USP28: variants seen among roughly 807,000 people sequenced by gnomAD.
The protein encoded by USP28 is ubiquitin specific peptidase 28.
Under a neutral mutation model 145.0 loss-of-function variants are expected in USP28, and 113 were observed. That is an observed-to-expected ratio of 0.78 (90% confidence interval 0.67 to 0.91). USP28 has a LOEUF of 0.91. Ranked by LOEUF, USP28 falls within the 40% of genes least tolerant of loss-of-function variation. The pLI is 0.00. For synonymous variants in USP28, 447 were observed against 450.9 expected, an observed-to-expected ratio of 0.99 and a Z score of 0.11; for missense variants, 1,201 against 1,289.6, an observed-to-expected ratio of 0.93 and a Z score of 1.05.
At chr11:113,801,527 A>C in exon 24 of USP28, 1 of 1,599,608 alleles carries the variant, frequency 6.3e-7, no homozygotes, top group East Asian at 2.2e-5. Flanking sequence ...GTTTCTCATG[A>C]CCTCAATGGC....
At chr11:113,860,915 G>A (rs1232265701) in intron 1 of USP28, among the ~76,000 whole-genome samples, 3 of 151,602 alleles carry the variant, frequency 2.0e-5, no homozygotes, top group East Asian at 1.9e-4. Flanking sequence ...TCAGGAGCCC[G>A]AGGCCATCCT....
chr11:113,873,041 C>G (rs1335394029), intron 1 of USP28, among the ~76,000 whole-genome samples: 1 of 152,182 alleles, frequency 6.6e-6, no homozygotes, highest in Admixed American at 6.6e-5. Context: ...GCAGTCTAGG[C>G]TTTAAATAGC....
intron 1 of USP28, among the ~76,000 whole-genome samples, chr11:113,858,153 A>G (rs1947270064): frequency 6.6e-6 from 1 of 152,212 alleles, no homozygotes; most frequent in African/African-American, 2.4e-5. Context: ...GGCGTGAGCC[A>G]CTGCACCTGG....
intron 1 of USP28, among the ~76,000 whole-genome samples, chr11:113,865,060 G>A (rs946319637): frequency 6.6e-6 from 1 of 152,080 alleles, no homozygotes; most frequent in Admixed American, 6.5e-5. Flanking sequence ...GGCTGGTCTT[G>A]AACTCCTGAG....
At position 113,848,515 on chromosome 11, in the gene USP28, G is replaced by A. The variant is rs937221193; in HGVS notation, c.268+3986C>T. The stretch of plus-strand genomic sequence containing the variant: ...GGAGTAGAAACCTTTCTGGGGCTTC[G>A]TGACACAGAAGCACAATGCACTGTG... On this transcript the variant is annotated intron_variant, in intron 3 of 24. Transcript: ENST00000003302. 6.6e-5 allele frequency among the ~76,000 whole-genome samples: 10 copies of A among 152,290 alleles called. No homozygotes were observed. In the East Asian group the frequency reaches 1.7e-3, roughly 26 times the overall value.
intron 16 of USP28, among the ~76,000 whole-genome samples, chr11:113,810,738 G>A (rs1242019948): frequency 2.0e-5 from 3 of 152,162 alleles, no homozygotes; most frequent in African/African-American, 4.8e-5. Flanking sequence ...GCAGTGGCAC[G>A]ATCTCAGCTC....
At chr11:113,856,138 T>G (rs1368446320) in intron 1 of USP28, among the ~76,000 whole-genome samples, 1 of 152,228 alleles carries the variant, frequency 6.6e-6, no homozygotes, top group African/African-American at 2.4e-5. Flanking sequence ...AAGCATGTAA[T>G]TTTTAGAAAA....
chr11:113,801,515 T>C, exon 24 of USP28: 2 of 1,592,200 alleles, frequency 1.3e-6, no homozygotes, highest in Non-Finnish European at 1.7e-6. Context: ...AGAGCACCAA[T>C]GGTTTCTCAT....
chr11:113,817,717 A>C (rs140134467), exon 13 of USP28: 6 of 1,614,222 alleles, frequency 3.7e-6, no homozygotes, highest in Non-Finnish European at 5.1e-6. Context: ...GTAATGTCAT[A>C]TGTGTGTCAC....
Position 113,833,301 on chromosome 11 carries a change from G to A in USP28, c.759+119C>T, listed in dbSNP as rs1591318247. 5 of 1,366,874 alleles carry A rather than the reference G, an allele frequency of 3.7e-6. No individual in the cohort carries two copies. The East Asian group carries it at 9.2e-5, about 25-fold the overall frequency. The allele number at this position is 1,366,874 out of a possible 1,614,324, so 84.7% of individuals were successfully genotyped here. A position where few individuals can be genotyped will look rare whatever the true frequency, so the allele number is the denominator to read the frequency against. ...TGTAGGCAAAACAAAAGTCAGAAAC[G>A]AGCATCCATAGTCCTGCTTAGTCAT... On this transcript the variant is annotated intron_variant, in intron 7 of 24. Coordinates refer to ENST00000003302, the Ensembl canonical transcript of USP28.
chr11:113,872,474 G>A (rs538913344), intron 1 of USP28, among the ~76,000 whole-genome samples: 6 of 150,034 alleles, frequency 4.0e-5, no homozygotes, highest in African/African-American at 7.3e-5. Flanking sequence ...GCAACAGAGC[G>A]AGACTCCGTC....
chr11:113,810,035 A>T (rs1429100403), intron 16 of USP28, among the ~76,000 whole-genome samples: 10 of 43,926 alleles, frequency 2.3e-4, no homozygotes, highest in African/African-American at 1.1e-3. Context: ...ACTCCATCTC[A>T]AAAAAAAAAA....
At chr11:113,814,179 T>C (rs1487624286) in intron 14 of USP28, among the ~76,000 whole-genome samples, 1 of 152,216 alleles carries the variant, frequency 6.6e-6, no homozygotes, top group African/African-American at 2.4e-5. Flanking sequence ...TTTTTTATAA[T>C]TGCCAAAATT....
chr11:113,831,898 C>T (rs755684271), intron 8 of USP28, 22 bp downstream of exon 8: 9 of 1,607,388 alleles, frequency 5.6e-6, no homozygotes, highest in East Asian at 2.2e-5. Flanking sequence ...GAAGGATGTA[C>T]AAACAAACCC....
chr11:113,850,018 A>C (rs771946072), intron 3 of USP28, among the ~76,000 whole-genome samples: 3 of 152,116 alleles, frequency 2.0e-5, no homozygotes, highest in Non-Finnish European at 4.4e-5. Flanking sequence ...TTCTTTTGTT[A>C]ATTAACCTAA....
intron 1 of USP28, among the ~76,000 whole-genome samples, chr11:113,855,342 G>A (rs756142375): frequency 1.3e-5 from 2 of 151,194 alleles, no homozygotes; most frequent in Non-Finnish European, 3.0e-5. Context: ...TGCAAGTACA[G>A]CTCAATCTAA....
chr11:113,844,073 T>C (rs1305793059), intron 3 of USP28, among the ~76,000 whole-genome samples: 1 of 152,112 alleles, frequency 6.6e-6, no homozygotes, highest in Non-Finnish European at 1.5e-5. Flanking sequence ...GAATCTTAGA[T>C]GACATCCAGA....
At chr11:113,821,147 T>A (rs1248528684) in intron 12 of USP28, 1 of 231,758 alleles carries the variant, frequency 4.3e-6, no homozygotes, top group Non-Finnish European at 9.5e-6. Flanking sequence ...CACCACCATC[T>A]TCCCTGTATC....
At chr11:113,873,943 C>T (rs1202366617) in intron 1 of USP28, among the ~76,000 whole-genome samples, 2 of 139,254 alleles carry the variant, frequency 1.4e-5, no homozygotes, top group Non-Finnish European at 3.1e-5. Context: ...GAGACCGAGA[C>T]CATCCTGGCC....
Sources: gnomAD v4.1 joint callset for allele counts (sites outside exome capture counted in the v4.1 genomes callset) on GRCh38, gnomAD v4.1.1 for gene constraint, MANE v1.5 for transcripts, NCBI Gene and HGNC (gene_info 2026-07-23, HGNC 2026-07-21) for gene names.